The following IMMP2L variants were observed in gnomAD, a reference collection of about 807,000 sequenced individuals.
The protein encoded by IMMP2L is mitochondrial inner membrane protease subunit 2.
In IMMP2L, 18 loss-of-function variants were observed where a neutral mutation model predicts 19.3. The ratio of observed to expected loss-of-function variants is 0.93; its 90% CI spans 0.64 to 1.38. The LOEUF (loss-of-function observed/expected upper bound fraction) is 1.38. Ranked by LOEUF, IMMP2L falls within the 40% of genes most tolerant of loss-of-function variation. The pLI is 0.00. For synonymous variants in IMMP2L, 76 were observed against 73.0 expected (o/e 1.04, Z -0.21); for missense variants, 233 against 218.2 (o/e 1.07, Z -0.43).
intron 3 of IMMP2L, among the ~76,000 whole-genome samples, chr7:111,365,562 T>A (rs1829688471): frequency 2.0e-5 from 3 of 152,110 alleles, no homozygotes; most frequent in Admixed American, 2.0e-4. Flanking sequence ...GCATCTTGAC[T>A]TAATTGAAAG....
chr7:110,920,601 T>C (rs1045146608), intron 4 of IMMP2L, among the ~76,000 whole-genome samples: 19 of 152,218 alleles, frequency 1.2e-4, no homozygotes, highest in Admixed American at 9.2e-4. Flanking sequence ...TGAGAATTGA[T>C]CTTATGTGTT....
chr7:110,678,911 T>C (rs968838324), intron 5 of IMMP2L, among the ~76,000 whole-genome samples: 1 of 152,184 alleles, frequency 6.6e-6, no homozygotes, highest in Non-Finnish European at 1.5e-5. Context: ...TTGGAAGAGA[T>C]TCGAAATGAG....
At chr7:111,118,551 A>T (rs1800171476) in intron 3 of IMMP2L, among the ~76,000 whole-genome samples, 1 of 152,060 alleles carries the variant, frequency 6.6e-6, no homozygotes, top group Admixed American at 6.6e-5. Context: ...GGGTCTCAAT[A>T]ACCTTACATT....
chr7:111,148,090 A>T (rs989432772), intron 3 of IMMP2L, among the ~76,000 whole-genome samples: 1 of 152,134 alleles, frequency 6.6e-6, no homozygotes, highest in Non-Finnish European at 1.5e-5. Context: ...TATCAGGCAA[A>T]AAATAGAAGC....
At chr7:111,050,390 A>C (rs1792889698) in intron 3 of IMMP2L, among the ~76,000 whole-genome samples, 1 of 152,194 alleles carries the variant, frequency 6.6e-6, no homozygotes, top group Admixed American at 6.5e-5. Flanking sequence ...TAGGTAATAA[A>C]ACCTAGTTAG....
chr7:110,814,487 G>C (rs185709941), intron 5 of IMMP2L, among the ~76,000 whole-genome samples: 2 of 149,644 alleles, frequency 1.3e-5, no homozygotes, highest in African/African-American at 4.9e-5. Context: ...ATTAATAATA[G>C]GCTAAGAATT....
At chr7:111,353,081 C>A (rs981080668) in intron 3 of IMMP2L, among the ~76,000 whole-genome samples, 1 of 152,162 alleles carries the variant, frequency 6.6e-6, no homozygotes, top group Non-Finnish European at 1.5e-5. Flanking sequence ...ATGGGACACA[C>A]CCATGACATT....
At chr7:111,066,842 C>A (rs1162439695) in intron 3 of IMMP2L, among the ~76,000 whole-genome samples, 2 of 152,108 alleles carry the variant, frequency 1.3e-5, no homozygotes, top group Non-Finnish European at 2.9e-5. Flanking sequence ...ACCAATAATT[C>A]AATTTAATGT....
At chr7:111,356,948 A>AC (rs71665155) in intron 3 of IMMP2L, among the ~76,000 whole-genome samples, 36,670 of 151,960 alleles carry the variant, frequency 0.24, 6,369 homozygotes, top group African/African-American at 0.49. Flanking sequence ...AAGCGCTTGA[A>AC]CCAGGAGGTT....
chr7:111,472,088 A>G (rs1016774025), intron 3 of IMMP2L, among the ~76,000 whole-genome samples: 11 of 152,130 alleles, frequency 7.2e-5, no homozygotes, highest in Non-Finnish European at 1.5e-5. Flanking sequence ...CATAATCTCC[A>G]TAAGAGTATC....
intron 1 of IMMP2L, among the ~76,000 whole-genome samples, chr7:111,555,907 A>G: frequency 6.6e-6 from 1 of 151,222 alleles, no homozygotes; most frequent in Non-Finnish European, 1.5e-5. Context: ...ACCCTTGTAT[A>G]CTATTGGTAC....
At chr7:111,444,045 G>C (rs1438629551) in intron 3 of IMMP2L, among the ~76,000 whole-genome samples, 1 of 152,044 alleles carries the variant, frequency 6.6e-6, no homozygotes, top group Non-Finnish European at 1.5e-5. Context: ...GTATAGGCTT[G>C]CTATGAAAGT....
intron 3 of IMMP2L, among the ~76,000 whole-genome samples, chr7:111,076,674 C>T (rs541975209): frequency 6.6e-6 from 1 of 152,138 alleles, no homozygotes; most frequent in African/African-American, 2.4e-5. Flanking sequence ...CCTCTGTCCA[C>T]ATAATAGTGT....
rs180935214 is a variant in IMMP2L, at chr7:111,185,568, T to C, written c.240-222003A>G. ...AACCTAACAATTAACCACAAAAATA[T>C]ATTATGTAAACAAAAATTACTGAAG... On this transcript the variant is annotated intron_variant, in intron 3 of 5. Coordinates refer to ENST00000405709, the MANE Select transcript of IMMP2L (RefSeq NM_032549.4). Among the ~76,000 whole-genome samples the C allele has an allele frequency of 2.3e-3, 354 of 152,260 alleles. 2 individuals carry two copies. Among genetic ancestry groups the C allele is most frequent in the South Asian group, 4.6e-3 (22 of 4,830 alleles).
chr7:111,197,197 T>A (rs1218679868), intron 3 of IMMP2L, among the ~76,000 whole-genome samples: 2 of 152,052 alleles, frequency 1.3e-5, no homozygotes, highest in Non-Finnish European at 2.9e-5. Context: ...GCTCGGTGGC[T>A]CACGCCTGTA....
chr7:111,455,941 G>GA (rs1358877116), intron 3 of IMMP2L, among the ~76,000 whole-genome samples: 1 of 126,386 alleles, frequency 7.9e-6, no homozygotes, highest in Non-Finnish European at 1.7e-5. Flanking sequence ...GTTCAAATAT[G>GA]AAAAAATAGA....
intron 3 of IMMP2L, among the ~76,000 whole-genome samples, chr7:111,004,200 C>A (rs1358401278): frequency 6.6e-6 from 1 of 152,004 alleles, no homozygotes; most frequent in Non-Finnish European, 1.5e-5. Context: ...CATAGGGTTG[C>A]CATGAGAATT....
intron 3 of IMMP2L, among the ~76,000 whole-genome samples, chr7:110,993,093 G>C (rs1822658374): frequency 6.6e-6 from 1 of 152,162 alleles, no homozygotes; most frequent in Admixed American, 6.5e-5. Context: ...ACAACTAATT[G>C]AGAAAGAGGT....
chr7:111,085,659 C>A (rs1202811337), intron 3 of IMMP2L, among the ~76,000 whole-genome samples: 1 of 152,066 alleles, frequency 6.6e-6, no homozygotes. Context: ...TATCCTTTGA[C>A]CGCTTTTTAT....
Sources: gnomAD v4.1 joint callset for allele counts (sites outside exome capture counted in the v4.1 genomes callset) on GRCh38, gnomAD v4.1.1 for gene constraint, MANE v1.5 for transcripts, NCBI Gene and HGNC (gene_info 2026-07-23, HGNC 2026-07-21) for gene names.